Variants in TSC2 observed in about 807,000 individuals in gnomAD.
TSC2 encodes the protein TSC complex subunit 2, also known as tuberin.
Under a neutral mutation model 202.2 loss-of-function variants are expected in TSC2, and 29 were observed. The ratio of observed to expected loss-of-function variants is 0.14; its 90% CI spans 0.11 to 0.20. TSC2 has a LOEUF of 0.20. Ranked by LOEUF, TSC2 falls within the 10% of genes least tolerant of loss-of-function variation. The pLI is 1.00. For synonymous variants in TSC2, 1,349 were observed against 1,044.0 expected (o/e 1.29, Z -5.63); for missense variants, 2,429 against 2,420.0 (o/e 1.00, Z -0.08).
At chr16:2,085,434 C>T (rs2090656559) in intron 36 of TSC2, 112 bp downstream of exon 36, 3 of 1,158,142 alleles carry the variant, frequency 2.6e-6, no homozygotes, top group Non-Finnish European at 3.8e-6. Context: ...ACTGCCGGGT[C>T]CCCTACAGCA....
intron 15 of TSC2, 57 bp from the exon 16 acceptor site, chr16:2,065,462 A>G: frequency 6.0e-6 from 8 of 1,336,370 alleles, no homozygotes; most frequent in Non-Finnish European, 7.5e-6. Context: ...AAGTGTTCTC[A>G]CGGCTGCTGA....
In TSC2 at chr16:2,084,224, C is replaced by G. The variant is rs772258522; in HGVS notation, c.4006-4C>G. 2 of 1,580,084 alleles carry G rather than the reference C, an allele frequency of 1.3e-6. No homozygotes were observed. The highest frequency in any genetic ancestry group is 1.7e-6 in the Non-Finnish European group (2 of 1,162,092). ...GGGGTTCTCTTTGGGATGGTCCTTT[C>G]TAGTCGTCCTCAGTCTCCAGCCAGG... On this transcript the variant is annotated splice_region_variant and splice_polypyrimidine_tract_variant and intron_variant, in intron 33 of 41. Coordinates refer to ENST00000219476, the MANE Select transcript of TSC2 (RefSeq NM_000548.5).
At chr16:2,071,966 C>G (rs2151310134) in intron 19 of TSC2, 32 bp downstream of exon 19, 1 of 1,547,518 alleles carries the variant, frequency 6.5e-7, no homozygotes, top group Admixed American at 1.9e-5. Context: ...CCATCCGTCC[C>G]ACGTTGGGCC....
At chr16:2,071,291 T>G in intron 17 of TSC2, 2 of 615,514 alleles carry the variant, frequency 3.2e-6, no homozygotes, top group Non-Finnish European at 5.9e-6. Flanking sequence ...CCAGGCTCTG[T>G]GAGCTCCGAG....
chr16:2,077,449 A>G, intron 25 of TSC2, 149 bp from the exon 26 acceptor site: 1 of 1,165,464 alleles, frequency 8.6e-7, no homozygotes, highest in South Asian at 1.3e-5. Flanking sequence ...GCCCTTTGGC[A>G]TGGCTCTTTT....
chr16:2,065,434 A>AAG, intron 15 of TSC2, 85 bp from the exon 16 acceptor site: 1 of 863,892 alleles, frequency 1.2e-6, no homozygotes, highest in Non-Finnish European at 1.8e-6. Flanking sequence ...AAAAAAAAAA[A>AAG]AAGGTGTTTG....
Position 2,084,353 on chromosome 16 carries a change from G to A in TSC2, c.4131G>A (p.Gln1377=). Residue 1377 remains glutamine (Q), a synonymous_variant, in exon 34 of 42, where the codon CAG becomes CAA. Coordinates refer to ENST00000219476, the MANE Select transcript of TSC2 (RefSeq NM_000548.5). ...GGRPSVDLSF[Q]PSQPLSKSSS... ...GGCCCTCTGTGGACCTCTCCTTCCAGCCCTCGCAGCCCCTGAGCAAGTCCA... is the reference window on the plus strand; with the variant it reads ...GGCCCTCTGTGGACCTCTCCTTCCAACCCTCGCAGCCCCTGAGCAAGTCCA... 1 of 1,612,660 alleles carries A rather than the reference G, an allele frequency of 6.2e-7. No individual in the cohort carries two copies. The highest frequency in any genetic ancestry group is 1.1e-5 in the South Asian group (1 of 91,058).
chr16:2,070,670 G>A (rs2088173623), intron 17 of TSC2, 92 bp downstream of exon 17: 1 of 1,585,700 alleles, frequency 6.3e-7, no homozygotes, highest in African/African-American at 1.3e-5. Flanking sequence ...TGCAGAGACG[G>A]CCCCAGGATG....
rs1271369775 is a variant in TSC2 at position 2,053,392 on chromosome 16, G to A, written c.276G>A (p.Glu92=). 1.3e-6 allele frequency: 2 copies of A among 1,592,668 alleles called. No homozygotes were observed. The highest frequency in any genetic ancestry group is 1.3e-5 in the African/African-American group (1 of 74,730). ...CGGTCGCGGATCTGTTGCAGCCGGA[G>A]CGGCCGCTGGAGGCCCGGCACGCGG... ...WKAVADLLQP[E]RPLEARHAVL... Residue 92 remains glutamate (E), a synonymous_variant, in exon 4 of 42, where the codon GAG becomes GAA. Coordinates refer to ENST00000219476, the MANE Select transcript of TSC2 (RefSeq NM_000548.5).
chr16:2,077,565 C>T, intron 25 of TSC2, 33 bp from the exon 26 acceptor site: 1 of 1,612,184 alleles, frequency 6.2e-7, no homozygotes, highest in East Asian at 2.2e-5. Flanking sequence ...GCTGGGCTCT[C>T]TGGGGCGTTG....
At chr16:2,068,171 CTGAGA>C (rs893489275) in intron 16 of TSC2, among the ~76,000 whole-genome samples, 2 of 152,158 alleles carry the variant, frequency 1.3e-5, no homozygotes, top group Non-Finnish European at 2.9e-5. Flanking sequence ...TCCTGAGTAG[CTGAGA>C]TGACAGGTGC....
At chr16:2,074,573 G>C in intron 22 of TSC2, 184 bp downstream of exon 22, 1 of 723,758 alleles carries the variant, frequency 1.4e-6, no homozygotes, top group Non-Finnish European at 2.4e-6. Flanking sequence ...TTTGAGGGGC[G>C]GCTCCTCTCA....
At position 2,056,183 on chromosome 16, in the gene TSC2, G is replaced by T; in HGVS notation, c.600-13G>T. 1 of 1,613,832 alleles carries T rather than the reference G, an allele frequency of 6.2e-7. No homozygotes were observed. On this transcript the variant is annotated splice_polypyrimidine_tract_variant and intron_variant, in intron 6 of 41. Coordinates refer to ENST00000219476, the MANE Select transcript of TSC2 (RefSeq NM_000548.5). ...GGCAGTGCTGCCGGGACTGAGCTCG[G>T]TGCTCCCTGCAGGATGATCTGTCTG...
intron 38 of TSC2, 94 bp downstream of exon 38, chr16:2,086,965 C>A: frequency 6.5e-7 from 1 of 1,527,748 alleles, no homozygotes; most frequent in South Asian, 1.2e-5. Context: ...GAGCTTCGGT[C>A]ACGAGGAGCA....
intron 4 of TSC2, chr16:2,054,092 T>C (rs2085470584): frequency 1.4e-6 from 1 of 725,066 alleles, no homozygotes; most frequent in African/African-American, 1.8e-5. Context: ...TTGCTCCCCA[T>C]ACGCCGCTCT....
At chr16:2,085,203 G>A (rs762745593) in intron 35 of TSC2, 27 bp from the exon 36 acceptor site, 1 of 1,612,524 alleles carries the variant, frequency 6.2e-7, no homozygotes. Context: ...GGCGTCTGGG[G>A]CTCAGGCAGG....
At chr16:2,078,880 CAAGCT>C (rs2089759836) in intron 26 of TSC2, 147 bp from the exon 27 acceptor site, 2 of 964,424 alleles carry the variant, frequency 2.1e-6, no homozygotes, top group Non-Finnish European at 3.2e-6. Context: ...ACGTGATTCT[CAAGCT>C]GAGGCTCGCT....
At chr16:2,063,756 G>GT in intron 14 of TSC2, 13 of 235,552 alleles carry the variant, frequency 5.5e-5, no homozygotes, top group South Asian at 2.9e-4. Context: ...TGGGTCCTCT[G>GT]GCTTCTCCCA....
intron 26 of TSC2, 125 bp from the exon 27 acceptor site, chr16:2,078,907 G>A (rs966462846): frequency 1.4e-4 from 182 of 1,309,884 alleles, no homozygotes; most frequent in Admixed American, 1.9e-4. Flanking sequence ...GGCCGCCCAC[G>A]CCCTGTTGGG....
Sources: gnomAD v4.1 joint callset for allele counts (sites outside exome capture counted in the v4.1 genomes callset) on GRCh38, gnomAD v4.1.1 for gene constraint, MANE v1.5 for transcripts, NCBI Gene and HGNC (gene_info 2026-07-23, HGNC 2026-07-21) for gene names.